Variants in WIF1 observed in about 807,000 individuals in gnomAD.
WIF1 encodes the protein Wnt inhibitory factor 1.
WIF1 carries 35 observed loss-of-function variants against 53.5 expected under a neutral mutation model. The observed-to-expected ratio is 0.65, with a 90% confidence interval of 0.50 to 0.87. WIF1 has a LOEUF of 0.87. Ranked by LOEUF, WIF1 falls within the 40% of genes least tolerant of loss-of-function variation. WIF1 has a pLI of 0.00. For synonymous variants in WIF1, 171 were observed against 170.4 expected, an observed-to-expected ratio of 1.00 and a Z score of -0.03; for missense variants, 467 against 476.8, an observed-to-expected ratio of 0.98 and a Z score of 0.19.
intron 2 of WIF1, among the ~76,000 whole-genome samples, chr12:65,095,522 G>T (rs1419205042): frequency 1.3e-5 from 2 of 152,034 alleles, no homozygotes; most frequent in Non-Finnish European, 2.9e-5. Context: ...CTATTTATCA[G>T]TCTATTTTCA....
chr12:65,101,046 T>G (rs1166378270), intron 2 of WIF1, among the ~76,000 whole-genome samples: 1 of 152,196 alleles, frequency 6.6e-6, no homozygotes, highest in East Asian at 1.9e-4. Context: ...TCTTTCTCCT[T>G]TTTGGTATTT....
chr12:65,066,799 A>G, intron 5 of WIF1, 63 bp from the exon 6 acceptor site: 11 of 1,199,012 alleles, frequency 9.2e-6, no homozygotes, highest in Non-Finnish European at 1.3e-5. Context: ...CCATTTTGAA[A>G]TGTCAATAAT....
chr12:65,056,097 C>T lies in WIF1; in HGVS notation c.856G>A (p.Gly286Ser), dbSNP rs759971893. The T allele has an allele frequency of 1.2e-6, 2 of 1,613,976 alleles. No homozygotes were observed. Among genetic ancestry groups the T allele is most frequent in the Non-Finnish European group, 1.7e-6 (2 of 1,180,004 alleles). Residue 286 changes from glycine (G) to serine (S), a missense_variant, in exon 8 of 10, where the codon GGT (glycine) becomes AGT (serine). Physicochemically the swap from Gly to Ser is moderately conservative, Grantham distance 56. Transcript: ENST00000286574. Reference sequence around the variant, plus strand: ...CATTTGCTTTTACCAATGCATTTACCTCCATTTCGACAGGGTTGTGGGCAT... The same window carrying T: ...CATTTGCTTTTACCAATGCATTTACTTCCATTTCGACAGGGTTGTGGGCAT... ...SKCPQPCRNGGKCIGKSKCKC... is the reference protein window; with the variant it reads ...SKCPQPCRNGSKCIGKSKCKC...
intron 2 of WIF1, among the ~76,000 whole-genome samples, chr12:65,096,373 T>A (rs1157564645): frequency 6.6e-6 from 1 of 152,168 alleles, no homozygotes; most frequent in Non-Finnish European, 1.5e-5. Context: ...CAACAGATGC[T>A]GGCGAGGATG....
intron 2 of WIF1, among the ~76,000 whole-genome samples, chr12:65,106,950 A>G (rs983563812): frequency 6.6e-6 from 1 of 152,246 alleles, no homozygotes; most frequent in Non-Finnish European, 1.5e-5. Context: ...CACATTTTTA[A>G]TGAGGATAAG....
At chr12:65,069,235 T>G (rs3816340) in intron 3 of WIF1, among the ~76,000 whole-genome samples, 84,297 of 152,064 alleles carry the variant, frequency 0.55, 25,494 homozygotes, top group East Asian at 0.87. Flanking sequence ...AAGTGGTTAA[T>G]TATGTATACG....
intron 2 of WIF1, among the ~76,000 whole-genome samples, chr12:65,114,526 T>C (rs1883480535): frequency 6.6e-6 from 1 of 152,184 alleles, no homozygotes; most frequent in Admixed American, 6.5e-5. Flanking sequence ...CTTTGTTATA[T>C]TTGATTTTTA....
intron 7 of WIF1, among the ~76,000 whole-genome samples, chr12:65,057,437 G>A (rs977571088): frequency 6.6e-6 from 1 of 152,162 alleles, no homozygotes; most frequent in African/African-American, 2.4e-5. Flanking sequence ...TCTTTCTCCA[G>A]AGGCTATTTA....
At chr12:65,060,383 T>C (rs1208325453) in intron 7 of WIF1, among the ~76,000 whole-genome samples, 1 of 152,234 alleles carries the variant, frequency 6.6e-6, no homozygotes. Context: ...TGCAGTGATA[T>C]ATACTACACC....
rs10584146 is a variant in WIF1 at position 65,056,366 on chromosome 12, CTTTTTTTTTTTTTT to C, written c.827-254_827-241del. Among the ~76,000 whole-genome samples the C allele has an allele frequency of 4.0e-3, 97 of 24,254 alleles. 1 individual carries two copies. The highest frequency in any genetic ancestry group is 6.9e-3 in the East Asian group (6 of 870). 15.9% of individuals were successfully genotyped at this position (24,254 alleles called of 152,430 possible). ...GTTGCCAAAATGCTGCATTTATATC[CTTTTTTTTTTTTTT>C]TTTTTTTTTTTTTTTTTTTTTTTTA... On this transcript the variant is annotated intron_variant, in intron 7 of 9. Transcript: ENST00000286574.
chr12:65,103,772 C>A (rs1460571188), intron 2 of WIF1, among the ~76,000 whole-genome samples: 2 of 152,158 alleles, frequency 1.3e-5, no homozygotes, highest in Non-Finnish European at 2.9e-5. Context: ...CAAACCCAGG[C>A]TCTGCAGGTG....
chr12:65,074,836 AAAG>A (rs1565752405), intron 3 of WIF1, among the ~76,000 whole-genome samples: 11 of 140,196 alleles, frequency 7.8e-5, no homozygotes, highest in African/African-American at 2.6e-4. Context: ...AAAAAAAAAA[AAAG>A]AAAAGAAAAA....
chr12:65,089,821 C>T (rs1883096511), intron 2 of WIF1, among the ~76,000 whole-genome samples: 1 of 152,112 alleles, frequency 6.6e-6, no homozygotes, highest in East Asian at 1.9e-4. Context: ...CATCTTTATA[C>T]TATTGTACTT....
At chr12:65,068,953 T>G in intron 3 of WIF1, 49 bp from the exon 4 acceptor site, 2 of 1,585,438 alleles carry the variant, frequency 1.3e-6, no homozygotes, top group Non-Finnish European at 1.7e-6. Context: ...TCTAGTTGAT[T>G]CTAGTTTTAC....
Position 65,104,410 on chromosome 12 carries a change from A to G in WIF1, c.288+16007T>C, listed in dbSNP as rs1327354877. On this transcript the variant is annotated intron_variant, in intron 2 of 9. Transcript: ENST00000286574. Reference sequence around the variant, plus strand: ...GAATGTCTAAATAATAAAGATGAAGATTCAGAAATATCCTGATTTCAAAGG... The same window carrying G: ...GAATGTCTAAATAATAAAGATGAAGGTTCAGAAATATCCTGATTTCAAAGG... Among the ~76,000 whole-genome samples, 3 of 152,208 alleles carry G rather than the reference A, an allele frequency of 2.0e-5. No homozygotes were observed. In the East Asian group the frequency reaches 5.8e-4, roughly 29 times the overall value.
intron 7 of WIF1, 109 bp from the exon 8 acceptor site, chr12:65,056,235 G>T: frequency 4.1e-6 from 4 of 967,404 alleles, no homozygotes; most frequent in Admixed American, 3.0e-5. Context: ...GCTTTTAAAT[G>T]GCAATTTTCA....
chr12:65,069,322 G>T (rs183646313), intron 3 of WIF1, among the ~76,000 whole-genome samples: 1 of 152,234 alleles, frequency 6.6e-6, no homozygotes, highest in African/African-American at 2.4e-5. Flanking sequence ...AAACTTTGTG[G>T]CATCTTCATC....
Position 65,062,578 on chromosome 12 carries a change from T to C in WIF1, c.731-2A>G, listed in dbSNP as rs1334236012. The stretch of plus-strand genomic sequence containing the variant: ...TAAAGCAGGTGGTTGAGCAGTTTGC[T>C]GTTAGAATGAGTAACAGGGGTGTTG... On this transcript the variant is annotated splice_acceptor_variant, in intron 6 of 9. Transcript: ENST00000286574. LOFTEE classifies it high-confidence loss of function. 2 of 1,603,312 alleles carry C rather than the reference T, an allele frequency of 1.2e-6. No homozygotes were observed. Among genetic ancestry groups the C allele is most frequent in the Non-Finnish European group, 8.5e-7 (1 of 1,173,620 alleles).
intron 9 of WIF1, among the ~76,000 whole-genome samples, chr12:65,053,529 A>G (rs1486062547): frequency 6.6e-6 from 1 of 152,114 alleles, no homozygotes; most frequent in Admixed American, 6.5e-5. Flanking sequence ...CTCTCCTTCC[A>G]CCTTATGAAG....
Sources: allele counts gnomAD v4.1 joint callset (sites outside exome capture counted in the v4.1 genomes callset), GRCh38; gene constraint gnomAD v4.1.1; transcripts MANE v1.5; gene names NCBI Gene and HGNC (gene_info 2026-07-23, HGNC 2026-07-21).